The following PRDM4 variants were observed in gnomAD, a reference collection of about 807,000 sequenced individuals.
PRDM4 encodes the protein PR domain zinc finger protein 4.
A neutral mutation model predicts 62.3 loss-of-function variants in PRDM4; 38 were observed. That is an observed-to-expected ratio of 0.61 (90% CI 0.47 to 0.80). The LOEUF is 0.80. Ranked by LOEUF, PRDM4 falls within the 30% of genes least tolerant of loss-of-function variation. The pLI, the probability that PRDM4 is intolerant of heterozygous loss-of-function variation, is 0.00. For missense variants in PRDM4, 858 were observed against 997.1 expected, an observed-to-expected ratio of 0.86 and a Z score of 1.88; for synonymous variants, 339 against 348.2, an observed-to-expected ratio of 0.97 and a Z score of 0.30.
intron 3 of PRDM4, among the ~76,000 whole-genome samples, chr12:107,755,726 T>C (rs1383483443): frequency 3.3e-5 from 5 of 152,180 alleles, no homozygotes; most frequent in African/African-American, 9.7e-5. Context: ...CAATAGAATA[T>C]TTATTCCATT....
intron 7 of PRDM4, among the ~76,000 whole-genome samples, chr12:107,743,942 C>T (rs564341914): frequency 7.6e-4 from 115 of 152,130 alleles, no homozygotes; most frequent in African/African-American, 2.7e-3. Context: ...TGGGGAAACC[C>T]CGTCTCTACA....
Position 107,751,962 on chromosome 12 carries a change from A to G in PRDM4, c.579T>C (p.Thr193=). 5 of 1,614,208 alleles carry G rather than the reference A, an allele frequency of 3.1e-6. No homozygotes were observed. The highest frequency in any genetic ancestry group is 4.2e-6 in the Non-Finnish European group (5 of 1,180,040). ...TGGTAACCCTAGAAACGTTCTCCAT[A>G]GTGATTGCTGTGTCCAAGGCCACCT... ...GHEVALDTAI[T]MENVSRVTSP... The change falls in exon 5 of 12, where the codon ACT becomes ACC. Residue 193 remains threonine (T), a synonymous_variant. Coordinates refer to ENST00000228437, the MANE Select transcript of PRDM4 (RefSeq NM_012406.4).
chr12:107,745,095 G>C (rs1328225503), intron 6 of PRDM4, among the ~76,000 whole-genome samples: 1 of 141,376 alleles, frequency 7.1e-6, no homozygotes, highest in Non-Finnish European at 1.5e-5. Context: ...CAATATGCTA[G>C]CATTCCTCAG....
rs749147439 is a variant in PRDM4, at chr12:107,743,058, T to C, written c.1481+139A>G. The C allele has an allele frequency of 8.8e-4, 603 of 683,780 alleles. 2 individuals are homozygous for C. The highest frequency in any genetic ancestry group is 1.1e-3 in the Non-Finnish European group (463 of 405,578). 42.4% of individuals were successfully genotyped at this position (683,780 alleles called of 1,614,324 possible). A position where few individuals can be genotyped will look rare whatever the true frequency, so the allele number is the denominator to read the frequency against. ...CTGGGATTAAAGGTGTGAGCCACCATGCCTGGCTGCCTTGGGCTTTAAGTA... is the reference window on the plus strand; with the variant it reads ...CTGGGATTAAAGGTGTGAGCCACCACGCCTGGCTGCCTTGGGCTTTAAGTA... On this transcript the variant is annotated intron_variant, in intron 8 of 11. Coordinates refer to ENST00000228437, the MANE Select transcript of PRDM4 (RefSeq NM_012406.4).
chr12:107,735,631 C>T (rs1890301919), intron 11 of PRDM4, among the ~76,000 whole-genome samples: 1 of 151,828 alleles, frequency 6.6e-6, no homozygotes, highest in African/African-American at 2.4e-5. Context: ...CTACAATGCA[C>T]AGGGCAGCCC....
chr12:107,743,805 A>C (rs1188534996), intron 7 of PRDM4, among the ~76,000 whole-genome samples: 1 of 152,198 alleles, frequency 6.6e-6, no homozygotes, highest in East Asian at 1.9e-4. Context: ...TTGTATTTCT[A>C]ACCCCTCATT....
intron 2 of PRDM4, among the ~76,000 whole-genome samples, chr12:107,758,766 T>G (rs1295100675): frequency 2.0e-5 from 3 of 152,178 alleles, no homozygotes; most frequent in Admixed American, 6.6e-5. Context: ...TCCCTGGCCA[T>G]GGATCCCATA....
chr12:107,758,467 G>A (rs1223787502), intron 2 of PRDM4: 1 of 151,730 alleles, frequency 6.6e-6, no homozygotes, highest in Non-Finnish European at 1.5e-5. Flanking sequence ...CCAGGCTGGA[G>A]GTAGGTATTA....
intron 11 of PRDM4, 93 bp from the exon 12 acceptor site, chr12:107,734,615 G>T: frequency 8.2e-7 from 1 of 1,213,910 alleles, no homozygotes; most frequent in Non-Finnish European, 1.2e-6. Context: ...CTTTGTCAGA[G>T]CAGCTCTATC....
chr12:107,755,807 T>C (rs1252828113), intron 3 of PRDM4, among the ~76,000 whole-genome samples: 1 of 152,136 alleles, frequency 6.6e-6, no homozygotes, highest in Non-Finnish European at 1.5e-5. Context: ...CAGTGACGGC[T>C]GGCGCGGTGG....
Position 107,742,245 on chromosome 12 carries a change from T to A in PRDM4, c.1585A>T (p.Ser529Cys), listed in dbSNP as rs751859899. ...CCAATCTGTTGAGCATAATCTCGGC[T>A]ATAATAAAAAAGCAGTTCATTTTCA... Reference protein sequence around the residue: ...PPENELLFYYSRDYAQQIGVP... With the variant: ...PPENELLFYYCRDYAQQIGVP... The change falls in exon 9 of 12, where the codon AGC becomes TGC. Residue 529 changes from serine (S) to cysteine (C), a missense_variant. Around this residue, in one of 3 missense-constraint regions of PRDM4, gnomAD observed 355 missense variants for 432.6 expected, o/e 0.82. Transcript: ENST00000228437. 6.2e-7 allele frequency: 1 copy of A among 1,613,420 alleles called. No homozygotes were observed. The highest frequency in any genetic ancestry group is 8.5e-7 in the Non-Finnish European group (1 of 1,179,536).
At position 107,751,447 on chromosome 12, in the gene PRDM4, T is replaced by C; in HGVS notation, c.1094A>G (p.Asn365Ser). 6.2e-7 allele frequency: 1 copy of C among 1,608,706 alleles called. No homozygotes were observed. Residue 365 changes from asparagine to serine, a missense_variant, in exon 5 of 12, where the codon AAC becomes AGC. Asn to Ser is a conservative substitution (Grantham distance 46, BLOSUM62 1). Coordinates refer to ENST00000228437, the MANE Select transcript of PRDM4 (RefSeq NM_012406.4). ...PSLQMEDSNS[N>S]KENMATLFTI... is the part of the protein sequence containing the mutation. ...AAACAAGGTTGCCATGTTCTCCTTG[T>C]TTGAATTGGAGTCTTCCATTTGCAG...
At chr12:107,758,434 G>A (rs1891130823) in intron 2 of PRDM4, 1 of 151,840 alleles carries the variant, frequency 6.6e-6, no homozygotes, top group African/African-American at 2.4e-5. Context: ...TTATTTTGCA[G>A]AGATGGGGTC....
Position 107,741,134 on chromosome 12 carries a change from C to T in PRDM4, c.1736G>A (p.Ser579Asn). 1 of 1,614,170 alleles carries T rather than the reference C, an allele frequency of 6.2e-7. No homozygotes were observed. The change falls in exon 10 of 12, where the codon AGC becomes AAC. Residue 579 changes from serine (S) to asparagine (N), a missense_variant. Around this residue, in one of 3 missense-constraint regions of PRDM4, gnomAD observed 355 missense variants for 432.6 expected, o/e 0.82. Transcript: ENST00000228437. ...NHLPTQGHSG[S>N]HGPSHSKERK... ...TTCTTTGCTGTGACTTGGCCCATGG[C>T]TGCCGCTATGTCCCTGGGTAGGAAG...
rs1186434759 is a variant in PRDM4 at position 107,751,730 on chromosome 12, C to T, written c.811G>A (p.Asp271Asn). 8.7e-6 allele frequency: 14 copies of T among 1,614,092 alleles called. No individual in the cohort carries two copies. The highest frequency in any genetic ancestry group is 2.2e-5 in the South Asian group (2 of 91,086). Residue 271 changes from aspartate to asparagine, a missense_variant, in exon 5 of 12, where the codon GAC becomes AAC. Around this residue, in one of 3 missense-constraint regions of PRDM4, gnomAD observed 499 missense variants for 546.7 expected, o/e 0.91. Coordinates refer to ENST00000228437, the MANE Select transcript of PRDM4 (RefSeq NM_012406.4). The stretch of plus-strand genomic sequence containing the variant: ...CCATTGACCCGACTTGCAATGTGGT[C>T]TGTCTCCATGACCACAGGGAGCTCC... ...GLELPVVMET[D>N]HIASRVNGMS...
intron 2 of PRDM4, among the ~76,000 whole-genome samples, chr12:107,759,099 G>A (rs901930174): frequency 3.9e-5 from 6 of 152,092 alleles, no homozygotes; most frequent in African/African-American, 1.4e-4. Context: ...TGAGACCCCT[G>A]TCTCTACTAA....
In PRDM4 at chr12:107,760,590, T is replaced by G. The variant is rs1891213468; in HGVS notation, c.-75A>C. ...AGGCATCAGGGTTTGCGTTCCAGGG[T>G]CACGTGCTACCACATCTTGCTCACA... On this transcript the variant is annotated 5_prime_UTR_variant, in exon 2 of 12. Coordinates refer to ENST00000228437, the MANE Select transcript of PRDM4 (RefSeq NM_012406.4). 2 of 1,573,778 alleles carry G rather than the reference T, an allele frequency of 1.3e-6. No homozygotes were observed. Among genetic ancestry groups the G allele is most frequent in the Non-Finnish European group, 1.7e-6 (2 of 1,153,046 alleles).
intron 3 of PRDM4, among the ~76,000 whole-genome samples, chr12:107,755,092 T>A (rs1014130778): frequency 2.0e-5 from 3 of 148,426 alleles, no homozygotes; most frequent in African/African-American, 7.3e-5. Flanking sequence ...GGGGCAATAT[T>A]TTTTTTTTTT....
intron 9 of PRDM4, 75 bp downstream of exon 9, chr12:107,742,146 T>C: frequency 6.8e-7 from 1 of 1,467,440 alleles, no homozygotes; most frequent in Non-Finnish European, 9.2e-7. Flanking sequence ...AACATGTAAA[T>C]CATTACCAAA....
Sources: allele counts gnomAD v4.1 joint callset (sites outside exome capture counted in the v4.1 genomes callset), GRCh38; gene constraint gnomAD v4.1.1; regional missense constraint gnomAD v4.1.1; transcripts MANE v1.5; gene names NCBI Gene and HGNC (gene_info 2026-07-23, HGNC 2026-07-21).